The following SNTG1 variants were observed in gnomAD, a reference collection of about 807,000 sequenced individuals.
The protein encoded by SNTG1 is gamma-1-syntrophin.
A neutral mutation model predicts 74.7 loss-of-function variants in SNTG1; 39 were observed. That is an observed-to-expected ratio of 0.52 (90% CI 0.40 to 0.68). SNTG1 has a LOEUF of 0.68. SNTG1 is among the 30% of genes least tolerant of loss of function. The pLI, the probability that SNTG1 is intolerant of heterozygous loss-of-function variation, is 0.00. For synonymous variants in SNTG1, 254 were observed against 217.1 expected (o/e 1.17, Z -1.49); for missense variants, 685 against 609.5 (o/e 1.12, Z -1.30).
At chr8:49,955,638 G>T (rs1261313596) in intron 1 of SNTG1, among the ~76,000 whole-genome samples, 1 of 152,194 alleles carries the variant, frequency 6.6e-6, no homozygotes, top group Non-Finnish European at 1.5e-5. Context: ...TACAAATGTT[G>T]TTAACTCACC....
chr8:50,145,687 C>G lies in SNTG1; in HGVS notation c.-102-26874C>G, dbSNP rs572254767. Among the ~76,000 whole-genome samples the G allele has an allele frequency of 2.2e-4, 33 of 152,208 alleles. No homozygotes were observed. The Middle Eastern group carries it at 0.01, about 47-fold the overall frequency. ...AAACTGAAATATTTTTCTCACCCGACAAAGTTTAGGGAAAGCAGAACTGAT... is the reference window on the plus strand; with the variant it reads ...AAACTGAAATATTTTTCTCACCCGAGAAAGTTTAGGGAAAGCAGAACTGAT... On this transcript the variant is annotated intron_variant, in intron 1 of 18. Transcript: ENST00000642720.
At chr8:50,487,698 G>C (rs1005543229) in intron 8 of SNTG1, among the ~76,000 whole-genome samples, 1 of 150,004 alleles carries the variant, frequency 6.7e-6, no homozygotes, top group African/African-American at 2.5e-5. Flanking sequence ...GGGGTCGGAG[G>C]GGGGGGAGGG....
At chr8:50,442,783 A>G (rs1222607613) in intron 5 of SNTG1, among the ~76,000 whole-genome samples, 2 of 152,102 alleles carry the variant, frequency 1.3e-5, no homozygotes, top group Non-Finnish European at 2.9e-5. Flanking sequence ...GCTGGACAAA[A>G]GAACCACTAA....
intron 8 of SNTG1, among the ~76,000 whole-genome samples, chr8:50,489,585 G>A (rs140318977): frequency 0.04 from 6,031 of 152,224 alleles, 127 homozygotes; most frequent in Middle Eastern, 0.11. Flanking sequence ...TTTGAGAAGT[G>A]TCTGTTCATA....
At chr8:50,254,525 C>A (rs1471536122) in intron 2 of SNTG1, among the ~76,000 whole-genome samples, 5 of 151,974 alleles carry the variant, frequency 3.3e-5, no homozygotes, top group African/African-American at 1.2e-4. Context: ...TATGACAAGA[C>A]TAAAAGATAC....
At chr8:50,761,601 C>CTG (rs550902662) in intron 18 of SNTG1, among the ~76,000 whole-genome samples, 3,830 of 122,046 alleles carry the variant, frequency 0.031, 164 homozygotes, top group African/African-American at 0.14. Flanking sequence ...AGTGCCTGAG[C>CTG]TATTTTTTTT....
At chr8:50,156,160 C>CA in intron 1 of SNTG1, among the ~76,000 whole-genome samples, 1 of 152,146 alleles carries the variant, frequency 6.6e-6, no homozygotes, top group South Asian at 2.1e-4. Context: ...AAAACACCCC[C>CA]AGGTACAGTT....
chr8:50,365,244 T>A (rs2092076053), intron 2 of SNTG1, among the ~76,000 whole-genome samples: 1 of 152,114 alleles, frequency 6.6e-6, no homozygotes, highest in Non-Finnish European at 1.5e-5. Context: ...TTCTCTTCAA[T>A]GTCTTTAATT....
chr8:50,277,136 G>A (rs2088163097), intron 2 of SNTG1, among the ~76,000 whole-genome samples: 1 of 151,944 alleles, frequency 6.6e-6, no homozygotes, highest in Non-Finnish European at 1.5e-5. Context: ...CCAAAGTGGT[G>A]CATTTTTGTA....
At chr8:50,770,812 A>C (rs73677512) in intron 18 of SNTG1, among the ~76,000 whole-genome samples, 3,017 of 152,044 alleles carry the variant, frequency 0.02, 96 homozygotes, top group African/African-American at 0.065. Flanking sequence ...GGTTGTTAAA[A>C]CAAGTCTGGC....
chr8:50,367,707 T>A (rs2092153806), intron 2 of SNTG1, among the ~76,000 whole-genome samples: 1 of 152,132 alleles, frequency 6.6e-6, no homozygotes, highest in Non-Finnish European at 1.5e-5. Flanking sequence ...TACCTGTGAT[T>A]GTTAATTTTT....
At chr8:50,791,372 C>A (rs915604479) in intron 18 of SNTG1, among the ~76,000 whole-genome samples, 2 of 151,740 alleles carry the variant, frequency 1.3e-5, no homozygotes, top group Non-Finnish European at 2.9e-5. Context: ...GGACAAGTTG[C>A]TATTTCACAA....
intron 1 of SNTG1, among the ~76,000 whole-genome samples, chr8:50,094,920 A>G (rs192346919): frequency 3.9e-5 from 6 of 152,316 alleles, no homozygotes; most frequent in Admixed American, 2.0e-4. Flanking sequence ...CTGCCCATCA[A>G]TGGTAAACTG....
At chr8:50,206,777 G>T (rs575678934) in intron 2 of SNTG1, among the ~76,000 whole-genome samples, 2 of 145,306 alleles carry the variant, frequency 1.4e-5, no homozygotes, top group Non-Finnish European at 2.9e-5. Context: ...TAGCATGAAG[G>T]GTTGTTGAAT....
intron 2 of SNTG1, among the ~76,000 whole-genome samples, chr8:50,190,299 T>C (rs898430863): frequency 7.2e-5 from 11 of 152,160 alleles, no homozygotes; most frequent in Admixed American, 7.2e-4. Context: ...CATATTTTTA[T>C]AGTTATTACC....
chr8:50,368,306 A>G (rs2092173808), intron 2 of SNTG1, among the ~76,000 whole-genome samples: 1 of 152,202 alleles, frequency 6.6e-6, no homozygotes, highest in Admixed American at 6.5e-5. Flanking sequence ...TATTTACCAG[A>G]TACAATTTTT....
intron 2 of SNTG1, among the ~76,000 whole-genome samples, chr8:50,303,596 T>C (rs771743093): frequency 1.3e-5 from 2 of 152,042 alleles, no homozygotes; most frequent in Admixed American, 6.6e-5. Flanking sequence ...AAGAAATATG[T>C]ATTTGTAGCA....
chr8:50,114,453 T>C (rs192824526), intron 1 of SNTG1, among the ~76,000 whole-genome samples: 43 of 152,286 alleles, frequency 2.8e-4, no homozygotes, highest in Admixed American at 5.2e-4. Flanking sequence ...ACAATATCAC[T>C]TATTTGAGAA....
At chr8:50,658,684 G>A in intron 15 of SNTG1, 21 bp downstream of exon 15, 1 of 1,550,284 alleles carries the variant, frequency 6.5e-7, no homozygotes, top group Non-Finnish European at 8.8e-7. Flanking sequence ...TATGTAGTCA[G>A]TATTTGAATG....
Sources: gnomAD v4.1 joint callset for allele counts (sites outside exome capture counted in the v4.1 genomes callset) on GRCh38, gnomAD v4.1.1 for gene constraint, MANE v1.5 for transcripts, NCBI Gene and HGNC (gene_info 2026-07-23, HGNC 2026-07-21) for gene names.